The following GALM variants were observed in gnomAD, a reference collection of about 807,000 sequenced individuals.
GALM encodes the protein aldose 1-epimerase.
In GALM, 43 loss-of-function variants were observed where a neutral mutation model predicts 37.4. That is an observed-to-expected ratio of 1.15 (90% CI 0.90 to 1.48). GALM has a LOEUF of 1.48. Ranked by LOEUF, GALM falls within the 40% of genes most tolerant of loss-of-function variation. The pLI is 0.00. For missense variants in GALM, 456 were observed against 419.1 expected (o/e 1.09, Z -0.77); for synonymous variants, 199 against 170.6 (o/e 1.17, Z -1.30).
At chr2:38,707,724 T>C (rs567537101) in intron 4 of GALM, among the ~76,000 whole-genome samples, 1 of 152,294 alleles carries the variant, frequency 6.6e-6, no homozygotes, top group South Asian at 2.1e-4. Flanking sequence ...CTCACGCCTA[T>C]AATCCCAGTC....
At chr2:38,724,365 G>T (rs1291366150) in intron 4 of GALM, among the ~76,000 whole-genome samples, 1 of 152,148 alleles carries the variant, frequency 6.6e-6, no homozygotes, top group East Asian at 1.9e-4. Context: ...AAAAAAGATT[G>T]GTCCTGGCTA....
At chr2:38,682,368 CA>C in intron 3 of GALM, 1 of 335,912 alleles carries the variant, frequency 3.0e-6, no homozygotes, top group Non-Finnish European at 6.5e-6. Context: ...ATACTTGACT[CA>C]CTTTGGCCTG....
chr2:38,672,731 G>A (rs1665141842), intron 1 of GALM, among the ~76,000 whole-genome samples: 1 of 152,096 alleles, frequency 6.6e-6, no homozygotes, highest in Non-Finnish European at 1.5e-5. Context: ...TGAAGTAAAT[G>A]TAGAGCACTT....
At chr2:38,720,064 T>C (rs1666346351) in intron 4 of GALM, among the ~76,000 whole-genome samples, 1 of 151,694 alleles carries the variant, frequency 6.6e-6, no homozygotes, top group Admixed American at 6.6e-5. Context: ...TAATAATAAT[T>C]AGCCAGGCGC....
intron 4 of GALM, among the ~76,000 whole-genome samples, chr2:38,708,899 G>A (rs1666097142): frequency 6.6e-6 from 1 of 152,168 alleles, no homozygotes; most frequent in South Asian, 2.1e-4. Flanking sequence ...AGAGAGCAGA[G>A]GAATCCAGGG....
chr2:38,715,070 T>C (rs1203601611), intron 4 of GALM, among the ~76,000 whole-genome samples: 1 of 152,230 alleles, frequency 6.6e-6, no homozygotes, highest in African/African-American at 2.4e-5. Flanking sequence ...TTTACAATTG[T>C]CATAGCCTTT....
intron 4 of GALM, among the ~76,000 whole-genome samples, chr2:38,714,741 A>G (rs1454830785): frequency 6.6e-6 from 1 of 152,208 alleles, no homozygotes; most frequent in African/African-American, 2.4e-5. Flanking sequence ...CCACTCCAAT[A>G]CAGATAATTC....
At chr2:38,668,774 A>AAAATAAAT (rs914004307) in intron 1 of GALM, 5 of 151,506 alleles carry the variant, frequency 3.3e-5, no homozygotes, top group Non-Finnish European at 7.4e-5. Flanking sequence ...AAAATAAATA[A>AAAATAAAT]AAATAAATAA....
chr2:38,675,537 T>G (rs1394174354), intron 1 of GALM, among the ~76,000 whole-genome samples: 260 of 89,886 alleles, frequency 2.9e-3, no homozygotes, highest in East Asian at 4.4e-3. Flanking sequence ...TTTTTTTTTT[T>G]TTTTTTTGTG....
intron 1 of GALM, among the ~76,000 whole-genome samples, chr2:38,674,477 C>T (rs759684404): frequency 6.6e-6 from 1 of 152,016 alleles, no homozygotes; most frequent in Non-Finnish European, 1.5e-5. Context: ...CGTGAGCCAC[C>T]GCGCCTGGAC....
At chr2:38,687,186 C>T (rs1436245387) in intron 3 of GALM, among the ~76,000 whole-genome samples, 2 of 152,236 alleles carry the variant, frequency 1.3e-5, no homozygotes, top group African/African-American at 4.8e-5. Context: ...TGGCACCACC[C>T]TGAGGCATGC....
chr2:38,709,973 T>C (rs941764634), intron 4 of GALM, among the ~76,000 whole-genome samples: 3 of 152,202 alleles, frequency 2.0e-5, no homozygotes, highest in African/African-American at 7.2e-5. Context: ...GCAGCTGGGC[T>C]GGAAGCACAG....
Position 38,681,313 on chromosome 2 carries a change from G to C in GALM, c.379G>C (p.Val127Leu). Residue 127 changes from valine (V) to leucine (L), a missense_variant, in exon 3 of 7, where the codon GTC (valine) becomes CTC (leucine). By Grantham distance (32) the Val-to-Leu change is conservative. Transcript: ENST00000272252. ...GACCCCTCGGGTGCTGTCAAATGGCGTCCAGTTCTCGCGCATCAGTCCAGA... is the reference window on the plus strand; with the variant it reads ...GACCCCTCGGGTGCTGTCAAATGGCCTCCAGTTCTCGCGCATCAGTCCAGA... ...LWTPRVLSNG[V>L]QFSRISPDGE... is the part of the protein sequence containing the mutation. 1 of 1,613,672 alleles carries C rather than the reference G, an allele frequency of 6.2e-7. No homozygotes were observed. The highest frequency in any genetic ancestry group is 8.5e-7 in the Non-Finnish European group (1 of 1,180,010).
chr2:38,677,243 C>T (rs929888891), intron 2 of GALM, among the ~76,000 whole-genome samples: 8 of 152,208 alleles, frequency 5.3e-5, no homozygotes, highest in African/African-American at 1.9e-4. Context: ...TTAAATTATA[C>T]CACCCAGGTT....
intron 4 of GALM, among the ~76,000 whole-genome samples, chr2:38,724,581 G>A (rs538303481): frequency 6.6e-6 from 1 of 152,174 alleles, no homozygotes; most frequent in East Asian, 1.9e-4. Flanking sequence ...GACCAAGTGT[G>A]TCAGTGCATG....
chr2:38,710,695 A>T lies in GALM; in HGVS notation c.635-18861A>T, dbSNP rs140892873. 1.3e-4 allele frequency among the ~76,000 whole-genome samples: 19 copies of T among 150,936 alleles called. No individual in the cohort carries two copies. In the East Asian group the frequency reaches 3.7e-3, roughly 30 times the overall value. ...GCTGAGATTACAGGCATGAGCCACC[A>T]TGCCTGGTCTTGGCTATTTTTCTTA... On this transcript the variant is annotated intron_variant, in intron 4 of 6. Transcript: ENST00000272252.
At chr2:38,671,593 G>A (rs1238793670) in intron 1 of GALM, among the ~76,000 whole-genome samples, 1 of 152,054 alleles carries the variant, frequency 6.6e-6, no homozygotes, top group Non-Finnish European at 1.5e-5. Flanking sequence ...GATTTGGGTG[G>A]GAGCACAAAG....
chr2:38,691,458 T>C (rs920607454), intron 4 of GALM, among the ~76,000 whole-genome samples: 1 of 151,764 alleles, frequency 6.6e-6, no homozygotes, highest in Non-Finnish European at 1.5e-5. Flanking sequence ...CAGAGGAGGA[T>C]CACTTGAGCC....
At chr2:38,713,382 C>G (rs1666209601) in intron 4 of GALM, among the ~76,000 whole-genome samples, 1 of 152,138 alleles carries the variant, frequency 6.6e-6, no homozygotes, top group Non-Finnish European at 1.5e-5. Flanking sequence ...AGAAGGCTGT[C>G]TTGGTTCTCT....
Sources: allele counts gnomAD v4.1 joint callset (sites outside exome capture counted in the v4.1 genomes callset), GRCh38; gene constraint gnomAD v4.1.1; transcripts MANE v1.5; gene names NCBI Gene and HGNC (gene_info 2026-07-23, HGNC 2026-07-21).